Variants in TMPRSS6 observed in about 807,000 individuals in gnomAD.
TMPRSS6 encodes transmembrane protease serine 6.
A neutral mutation model predicts 101.5 loss-of-function variants in TMPRSS6; 67 were observed. The observed-to-expected ratio is 0.66, with a 90% CI of 0.54 to 0.81. The LOEUF (loss-of-function observed/expected upper bound fraction) is 0.81, where lower values mean the gene tolerates loss of function less well. Among genes scored for constraint, TMPRSS6 ranks in the 30% least tolerant of loss-of-function variants. The pLI, the probability that TMPRSS6 is intolerant of heterozygous loss-of-function variation, is 0.00. For missense variants in TMPRSS6, 1,034 were observed against 1,088.7 expected (o/e 0.95, Z 0.71); for synonymous variants, 453 against 464.9 (o/e 0.97, Z 0.33).
rs989504081 is a variant in TMPRSS6 at position 37,096,231 on chromosome 22, T to C, written c.405-141A>G. 18 of 920,188 alleles carry C rather than the reference T, an allele frequency of 2.0e-5. No homozygotes were observed. In the African/African-American group the frequency reaches 2.8e-4, roughly 14 times the overall value. The allele number at this position is 920,188 out of a possible 1,614,324, so 57.0% of individuals were successfully genotyped here. ...CACGCAGAAGCCTCCTAGCGACCTCTGAAGGAGGCGCTCTCATAATCCTTA... is the reference window on the plus strand; with the variant it reads ...CACGCAGAAGCCTCCTAGCGACCTCCGAAGGAGGCGCTCTCATAATCCTTA... On this transcript the variant is annotated intron_variant, in intron 4 of 17. Coordinates refer to ENST00000676104, the MANE Select transcript of TMPRSS6 (RefSeq NM_001374504.1).
In TMPRSS6 at chr22:37,101,455, T is replaced by C. The variant is rs918454218; in HGVS notation, c.202+1761A>G. ...CTCTCCTCGGGCCAGGCTGTCCTCC[T>C]CGCTTGGGGCCTGTCCTGCTCCAGT... On this transcript the variant is annotated intron_variant, in intron 2 of 17. Coordinates refer to ENST00000676104, the MANE Select transcript of TMPRSS6 (RefSeq NM_001374504.1). The surrounding 1 kb of genome is among the most constrained non-coding windows in gnomAD (Gnocchi z 4.1). Among the ~76,000 whole-genome samples the C allele has an allele frequency of 2.0e-5, 3 of 152,062 alleles. No individual in the cohort carries two copies. The highest frequency in any genetic ancestry group is 1.3e-4 in the Admixed American group (2 of 15,282).
At chr22:37,067,289 G>A (rs1926393956) in intron 16 of TMPRSS6, among the ~76,000 whole-genome samples, 1 of 152,072 alleles carries the variant, frequency 6.6e-6, no homozygotes, top group Admixed American at 6.5e-5. Context: ...TGACCAACAT[G>A]GAGAAACCCT....
At chr22:37,087,963 G>A (rs1928917884) in intron 7 of TMPRSS6, among the ~76,000 whole-genome samples, 1 of 152,128 alleles carries the variant, frequency 6.6e-6, no homozygotes, top group African/African-American at 2.4e-5. Flanking sequence ...TTCCCTAGCA[G>A]GTGTCTGGGG....
At chr22:37,102,711 C>T (rs1358352509) in intron 2 of TMPRSS6, among the ~76,000 whole-genome samples, 1 of 152,078 alleles carries the variant, frequency 6.6e-6, no homozygotes, top group African/African-American at 2.4e-5. Context: ...CATGCTGGAC[C>T]CTGGAGACCC....
rs537900030 is a variant in TMPRSS6 at position 37,067,988 on chromosome 22, C to G, written c.2114-1026G>C. 8.5e-5 allele frequency among the ~76,000 whole-genome samples: 11 copies of G among 129,158 alleles called. No individual in the cohort carries two copies. The East Asian group carries it at 2.6e-3, about 30-fold the overall frequency. The allele number at this position is 129,158 out of a possible 152,430, so 84.7% of individuals were successfully genotyped here. A position where few individuals can be genotyped will look rare whatever the true frequency, so the allele number is the denominator to read the frequency against. ...GTGTCTTCACCTGAATGTCTTTCCC[C>G]TTTGTCTGAATGTTGCCAACTCATC... On this transcript the variant is annotated intron_variant, in intron 16 of 17. Coordinates refer to ENST00000676104, the MANE Select transcript of TMPRSS6 (RefSeq NM_001374504.1).
Position 37,103,569 on chromosome 22 carries a change from A to G in TMPRSS6, c.-1-151T>C. The G allele has an allele frequency of 6.2e-7, 1 of 1,613,666 alleles. No individual in the cohort carries two copies. The highest frequency in any genetic ancestry group is 8.5e-7 in the Non-Finnish European group (1 of 1,180,000). On this transcript the variant is annotated intron_variant, in intron 1 of 17. Transcript: ENST00000676104. This position sits in a 1 kb window ranked among gnomAD's most constrained non-coding sequence, Gnocchi z 4.4. ...CGGCAGTGACTGCAAGTGGGTGCCG[A>G]GACAGCTCACAGAGGAGGGAAGTGC... is the stretch of plus-strand genomic sequence containing the variant.
At position 37,065,875 on chromosome 22, in the gene TMPRSS6, G is replaced by T; in HGVS notation, c.*205C>A. 1 of 657,958 alleles carries T rather than the reference G, an allele frequency of 1.5e-6. No homozygotes were observed. Among genetic ancestry groups the T allele is most frequent in the South Asian group, 1.9e-5 (1 of 53,026 alleles). 40.8% of individuals were successfully genotyped at this position (657,958 alleles called of 1,614,324 possible). On this transcript the variant is annotated 3_prime_UTR_variant, in exon 18 of 18. Coordinates refer to ENST00000676104, the MANE Select transcript of TMPRSS6 (RefSeq NM_001374504.1). ...GTGTGGGCCTGGGTCCTCAGGGGAC[G>T]TCTTGACCCCCAGCTGCTGGCACTT...
At chr22:37,081,538 C>A (rs1269269978) in intron 10 of TMPRSS6, among the ~76,000 whole-genome samples, 1 of 152,192 alleles carries the variant, frequency 6.6e-6, no homozygotes, top group Non-Finnish European at 1.5e-5. Flanking sequence ...TGGCCTGAAC[C>A]CCTCGTTTCA....
Position 37,065,650 on chromosome 22 carries a change from A to G in TMPRSS6, c.*430T>C, listed in dbSNP as rs1053538125. On this transcript the variant is annotated 3_prime_UTR_variant, in exon 18 of 18. Coordinates refer to ENST00000676104, the MANE Select transcript of TMPRSS6 (RefSeq NM_001374504.1). ...GAGCACCTTCCATTCCCAGATCCCA[A>G]GTTAGACCAGGGGCTTCCGAAGCTG... The G allele has an allele frequency of 6.4e-5, 12 of 187,650 alleles. No individual in the cohort carries two copies. Among genetic ancestry groups the G allele is most frequent in the East Asian group, 1.4e-4 (1 of 7,282 alleles). The allele number at this position is 187,650 out of a possible 1,614,324, so 11.6% of individuals were successfully genotyped here.
chr22:37,081,638 A>G (rs1928278217), intron 10 of TMPRSS6, among the ~76,000 whole-genome samples: 1 of 152,034 alleles, frequency 6.6e-6, no homozygotes, highest in Non-Finnish European at 1.5e-5. Context: ...GCGAGGGAGG[A>G]CTGAACAGAG....
intron 13 of TMPRSS6, among the ~76,000 whole-genome samples, chr22:37,071,822 A>G (rs1926937566): frequency 6.6e-6 from 1 of 152,158 alleles, no homozygotes; most frequent in Non-Finnish European, 1.5e-5. Context: ...AGACAGCTAG[A>G]AGGTTGGATA....
In TMPRSS6 at chr22:37,069,859, A is replaced by AC. The variant is rs1464199315; in HGVS notation, c.1842-516dup. ...GCAGATGGGCAGCCTTCGGGTCTCT[A>AC]CCCTCTACCTGAGGGCAGTGGGGAG... On this transcript the variant is annotated intron_variant, in intron 15 of 17. Coordinates refer to ENST00000676104, the MANE Select transcript of TMPRSS6 (RefSeq NM_001374504.1). This position sits in a 1 kb window ranked among gnomAD's most constrained non-coding sequence, Gnocchi z 4.8. Among the ~76,000 whole-genome samples, 2 of 151,990 alleles carry AC rather than the reference A, an allele frequency of 1.3e-5. No individual in the cohort carries two copies. The highest frequency in any genetic ancestry group is 2.9e-5 in the Non-Finnish European group (2 of 67,972).
chr22:37,096,157 C>G, intron 4 of TMPRSS6, 67 bp from the exon 5 acceptor site: 4 of 1,575,948 alleles, frequency 2.5e-6, no homozygotes, highest in Non-Finnish European at 3.5e-6. Context: ...TCCACCCCTG[C>G]TCATGCACAT....
Position 37,074,660 on chromosome 22 carries a change from G to A in TMPRSS6, c.1391C>T (p.Ala464Val). The A allele has an allele frequency of 7.4e-6, 12 of 1,614,198 alleles. No individual in the cohort carries two copies. The highest frequency in any genetic ancestry group is 1.0e-5 in the Non-Finnish European group (12 of 1,180,024). Residue 464 changes from alanine (A) to valine (V), a missense_variant, in exon 12 of 18, where the codon GCC (alanine) becomes GTC (valine). By Grantham distance (64) the Ala-to-Val change is moderately conservative. Coordinates refer to ENST00000676104, the MANE Select transcript of TMPRSS6 (RefSeq NM_001374504.1). ...LCSVNGLCVP[A>V]CDGVKDCPNG... ...GGGGCAGTCCTTGACCCCATCACAG[G>A]CAGGGACACAGAGTCCATTCACAGA...
rs1601519904 is a variant in TMPRSS6, at chr22:37,071,032, C to A, written c.1556G>T (p.Gly519Val). The A allele has an allele frequency of 5.0e-6, 8 of 1,611,580 alleles. No homozygotes were observed. In the East Asian group the frequency reaches 1.8e-4, roughly 36 times the overall value. ...GAAGGTGAATGTCCCACATGGCACC[C>A]CTGGGACAGAGGGGATGGGGGCAGG... ...NGSDEEQCQE[G>V]VPCGTFTFQC... Residue 519 changes from glycine (G) to valine (V), a missense_variant and splice_region_variant, in exon 14 of 18, where the codon GGG becomes GTG. Physicochemically the swap from Gly to Val is moderately radical, Grantham distance 109 (BLOSUM62 -3). Coordinates refer to ENST00000676104, the MANE Select transcript of TMPRSS6 (RefSeq NM_001374504.1).
chr22:37,079,823 T>C (rs1361551988), intron 10 of TMPRSS6, among the ~76,000 whole-genome samples: 1 of 152,262 alleles, frequency 6.6e-6, no homozygotes, highest in Non-Finnish European at 1.5e-5. Context: ...GCTTGCACTC[T>C]CCTGCACGGC....
At chr22:37,110,223 A>C (rs1930976716), upstream of TMPRSS6, among the ~76,000 whole-genome samples, 1 of 148,476 alleles carries the variant, frequency 6.7e-6, no homozygotes, top group Non-Finnish European at 1.5e-5. Context: ...GGCTCACTGC[A>C]ACCTCCGCCT....
At chr22:37,104,964 A>G (rs1034963031) in intron 1 of TMPRSS6, among the ~76,000 whole-genome samples, 1 of 150,992 alleles carries the variant, frequency 6.6e-6, no homozygotes, top group African/African-American at 2.4e-5. Context: ...CTGCTTGAGA[A>G]AAAAAAAAAC....
At position 37,065,918 on chromosome 22, in the gene TMPRSS6, C is replaced by T; in HGVS notation, c.*162G>A. On this transcript the variant is annotated 3_prime_UTR_variant, in exon 18 of 18. Coordinates refer to ENST00000676104, the MANE Select transcript of TMPRSS6 (RefSeq NM_001374504.1). ...TGGCACTTCTCCATCCTCCTGCCAT[C>T]ACTGGAGCAGACATCAGGGACGAGA... The T allele has an allele frequency of 1.1e-6, 1 of 901,000 alleles. No homozygotes were observed. Among genetic ancestry groups the T allele is most frequent in the Non-Finnish European group, 1.7e-6 (1 of 588,666 alleles). The allele number at this position is 901,000 out of a possible 1,614,324, so 55.8% of individuals were successfully genotyped here.
Sources: gnomAD v4.1 joint callset for allele counts (sites outside exome capture counted in the v4.1 genomes callset) on GRCh38, gnomAD v4.1.1 for gene constraint, Gnocchi (gnomAD v3.1) non-coding constraint, MANE v1.5 for transcripts, NCBI Gene and HGNC (gene_info 2026-07-23, HGNC 2026-07-21) for gene names.